SVOP: variants seen among roughly 807,000 people sequenced by gnomAD.
The protein encoded by SVOP is SV2 related protein.
Under a neutral mutation model 69.1 loss-of-function variants are expected in SVOP, and 17 were observed. The ratio of observed to expected loss-of-function variants is 0.25; its 90% CI spans 0.17 to 0.37. The LOEUF (loss-of-function observed/expected upper bound fraction) is 0.37. SVOP is among the 10% of genes least tolerant of loss of function. The pLI is 1.00. For missense variants in SVOP, 435 were observed against 597.5 expected, an observed-to-expected ratio of 0.73 and a Z score of 2.84; for synonymous variants, 238 against 238.6, an observed-to-expected ratio of 1.00 and a Z score of 0.02.
chr12:108,945,932 G>A (rs376716737), intron 6 of SVOP, among the ~76,000 whole-genome samples: 1 of 152,216 alleles, frequency 6.6e-6, no homozygotes, highest in East Asian at 1.9e-4. Flanking sequence ...TCCACCCTAA[G>A]TTATAATTTT....
In SVOP at chr12:108,909,352, C is replaced by CT. The variant is rs1398316699; in HGVS notation, c.*3182dup. 5.3e-5 allele frequency: 8 copies of CT among 151,982 alleles called. No individual in the cohort carries two copies. The highest frequency in any genetic ancestry group is 1.9e-4 in the African/African-American group (8 of 41,430). 9.4% of individuals were successfully genotyped at this position (151,982 alleles called of 1,614,324 possible). ...CCAACATGGTGAAACCTTGTCTATA[C>CT]TAAAAATACAAAAATTAGCCAAGCA... On this transcript the variant is annotated 3_prime_UTR_variant, in exon 16 of 16. Transcript: ENST00000610966.
intron 12 of SVOP, among the ~76,000 whole-genome samples, chr12:108,921,745 T>C (rs540299241): frequency 6.6e-6 from 1 of 152,274 alleles, no homozygotes; most frequent in East Asian, 1.9e-4. Context: ...AGGCACAGAA[T>C]CCTAGCAGTT....
chr12:109,013,890 C>T (rs956743518), intron 1 of SVOP, among the ~76,000 whole-genome samples: 2 of 152,142 alleles, frequency 1.3e-5, no homozygotes, highest in Non-Finnish European at 2.9e-5. Context: ...CTTTCTGTCT[C>T]TATGGATTTG....
At chr12:108,988,770 C>CTTTTTTTTTTTTTTTTTTTTTTTT (rs758822738) in intron 1 of SVOP, among the ~76,000 whole-genome samples, 1 of 92,182 alleles carries the variant, frequency 1.1e-5, no homozygotes, top group Non-Finnish European at 2.0e-5. Flanking sequence ...TCTTTTCTCT[C>CTTTTTTTTTTTTTTTTTTTTTTTT]TTTTTTTTTT....
chr12:108,913,418 A>G (rs1268720052), intron 15 of SVOP, among the ~76,000 whole-genome samples: 3 of 152,218 alleles, frequency 2.0e-5, no homozygotes, highest in South Asian at 4.1e-4. Flanking sequence ...CCACAGCCCT[A>G]TGAGCTAAGT....
chr12:109,012,929 TAAAAAA>T (rs2040350115), intron 1 of SVOP, among the ~76,000 whole-genome samples: 1 of 152,036 alleles, frequency 6.6e-6, no homozygotes, highest in Non-Finnish European at 1.5e-5. Context: ...GAGCCTGTCT[TAAAAAA>T]GGAATATGGG....
At chr12:108,916,104 C>T (rs1341379175) in intron 14 of SVOP, among the ~76,000 whole-genome samples, 1 of 152,134 alleles carries the variant, frequency 6.6e-6, no homozygotes, top group Non-Finnish European at 1.5e-5. Context: ...AAGGGGTCCA[C>T]TCTGTCCTGG....
intron 5 of SVOP, among the ~76,000 whole-genome samples, chr12:108,965,473 C>T (rs2040039923): frequency 2.0e-5 from 3 of 152,204 alleles, no homozygotes; most frequent in Admixed American, 1.3e-4. Context: ...TCGTGTCAGC[C>T]TCTGTTCAAC....
At chr12:108,987,138 C>T (rs189578661) in intron 1 of SVOP, among the ~76,000 whole-genome samples, 1 of 152,344 alleles carries the variant, frequency 6.6e-6, no homozygotes. Context: ...CACCAATCTA[C>T]TTTCTGTCTC....
At chr12:108,995,599 T>C (rs1333245384) in intron 1 of SVOP, among the ~76,000 whole-genome samples, 2 of 152,184 alleles carry the variant, frequency 1.3e-5, no homozygotes, top group Non-Finnish European at 2.9e-5. Context: ...ATTGTGAATG[T>C]ACTTAATGCC....
chr12:108,949,045 C>G (rs1218659562), intron 6 of SVOP, among the ~76,000 whole-genome samples: 1 of 152,204 alleles, frequency 6.6e-6, no homozygotes. Flanking sequence ...CCTTAGAGAT[C>G]GAGGATTTGT....
At chr12:108,960,423 C>T (rs2040011631) in intron 6 of SVOP, among the ~76,000 whole-genome samples, 1 of 152,156 alleles carries the variant, frequency 6.6e-6, no homozygotes, top group African/African-American at 2.4e-5. Flanking sequence ...ACAGCAACAG[C>T]AAATTGCTGC....
At chr12:108,996,287 G>A (rs557587393) in intron 1 of SVOP, among the ~76,000 whole-genome samples, 15 of 152,268 alleles carry the variant, frequency 9.9e-5, no homozygotes, top group Admixed American at 4.6e-4. Flanking sequence ...GCCAGATGCC[G>A]AGGCTCATGC....
intron 5 of SVOP, among the ~76,000 whole-genome samples, chr12:108,971,812 G>A (rs1014277877): frequency 1.3e-5 from 2 of 152,024 alleles, no homozygotes; most frequent in African/African-American, 4.8e-5. Flanking sequence ...CAGCGCTGTG[G>A]GAAGGCCAAG....
chr12:108,954,009 AGCT>A (rs1198311867), intron 6 of SVOP, among the ~76,000 whole-genome samples: 1 of 150,606 alleles, frequency 6.6e-6, no homozygotes, highest in East Asian at 2.0e-4. Flanking sequence ...CTACTCGGGA[AGCT>A]GAGGTGGGAG....
intron 2 of SVOP, among the ~76,000 whole-genome samples, chr12:108,979,006 G>A (rs946464900): frequency 6.6e-6 from 1 of 152,104 alleles, no homozygotes; most frequent in Non-Finnish European, 1.5e-5. Flanking sequence ...AAAGTATATT[G>A]TTAATTAATG....
intron 11 of SVOP, among the ~76,000 whole-genome samples, chr12:108,930,160 A>G (rs548787394): frequency 7.9e-5 from 12 of 152,344 alleles, no homozygotes; most frequent in Admixed American, 5.2e-4. Flanking sequence ...TCAAATTTGC[A>G]TGGAAACACA....
chr12:108,908,337 G>A lies in SVOP; in HGVS notation c.*4198C>T, dbSNP rs1415055498. On this transcript the variant is annotated 3_prime_UTR_variant, in exon 16 of 16. Transcript: ENST00000610966. Reference sequence around the variant, plus strand: ...TATGCAATCTCTCTAAACTGTCAGAGTGAACCATCAGCCCATCAACCAAAG... The same window carrying A: ...TATGCAATCTCTCTAAACTGTCAGAATGAACCATCAGCCCATCAACCAAAG... The A allele has an allele frequency of 1.3e-5, 2 of 152,310 alleles. No homozygotes were observed. The highest frequency in any genetic ancestry group is 2.9e-5 in the Non-Finnish European group (2 of 68,054). 9.4% of individuals were successfully genotyped at this position (152,310 alleles called of 1,614,324 possible).
intron 13 of SVOP, among the ~76,000 whole-genome samples, chr12:108,918,555 C>T (rs1465738577): frequency 6.6e-6 from 1 of 152,154 alleles, no homozygotes; most frequent in Non-Finnish European, 1.5e-5. Flanking sequence ...AGAACACTAA[C>T]ATTTCAGGGT....
Sources: gnomAD v4.1 joint callset for allele counts (sites outside exome capture counted in the v4.1 genomes callset) on GRCh38, gnomAD v4.1.1 for gene constraint, MANE v1.5 for transcripts, NCBI Gene and HGNC (gene_info 2026-07-23, HGNC 2026-07-21) for gene names.